GRK5: variants seen among roughly 807,000 people sequenced by gnomAD.
GRK5 encodes the protein g protein-coupled receptor kinase GRK5.
In GRK5, 40 loss-of-function variants were observed where a neutral mutation model predicts 78.4. The ratio of observed to expected loss-of-function variants is 0.51; its 90% CI spans 0.40 to 0.66. The LOEUF (loss-of-function observed/expected upper bound fraction) is 0.66, where lower values mean the gene tolerates loss of function less well. Among genes scored for constraint, GRK5 ranks in the 30% least tolerant of loss-of-function variants. The pLI, the probability that GRK5 is intolerant of heterozygous loss-of-function variation, is 0.00. For synonymous variants in GRK5, 289 were observed against 296.8 expected (o/e 0.97, Z 0.27); for missense variants, 598 against 759.9 (o/e 0.79, Z 2.50).
intron 2 of GRK5, chr10:119,333,854 A>G: frequency 1.9e-6 from 1 of 532,276 alleles, no homozygotes; most frequent in South Asian, 1.4e-5. Context: ...TGACAAATCA[A>G]GAAAGTTCCA....
rs569424957 is a variant in GRK5, at chr10:119,343,283, G to A, written c.148+16672G>A. Among the ~76,000 whole-genome samples the A allele has an allele frequency of 2.8e-4, 43 of 152,294 alleles. No individual in the cohort carries two copies. In the East Asian group the frequency reaches 5.0e-3, roughly 18 times the overall value. Reference sequence around the variant, plus strand: ...AACAGATGAGAGAGAGAGAGAGAGAGAGAACACTTTTGGGTCAGCAGGTTC... The same window carrying A: ...AACAGATGAGAGAGAGAGAGAGAGAAAGAACACTTTTGGGTCAGCAGGTTC... On this transcript the variant is annotated intron_variant, in intron 2 of 15. Transcript: ENST00000392870.
At chr10:119,407,384 C>T (rs1852259985) in intron 4 of GRK5, among the ~76,000 whole-genome samples, 1 of 152,188 alleles carries the variant, frequency 6.6e-6, no homozygotes, top group East Asian at 1.9e-4. Flanking sequence ...ACTTGGTTTT[C>T]CTTCTCCCAC....
At chr10:119,302,347 A>C (rs141016468) in intron 1 of GRK5, among the ~76,000 whole-genome samples, 3 of 152,300 alleles carry the variant, frequency 2.0e-5, no homozygotes, top group Non-Finnish European at 4.4e-5. Context: ...TTCCTGGGTG[A>C]TGCTACCTGG....
intron 1 of GRK5, among the ~76,000 whole-genome samples, chr10:119,300,840 C>G (rs976225349): frequency 1.3e-5 from 2 of 152,136 alleles, no homozygotes; most frequent in Non-Finnish European, 2.9e-5. Context: ...TGCCTGTAAT[C>G]CCAGCACTTT....
At chr10:119,339,222 C>G (rs1330841569) in intron 2 of GRK5, among the ~76,000 whole-genome samples, 1 of 152,214 alleles carries the variant, frequency 6.6e-6, no homozygotes, top group African/African-American at 2.4e-5. Flanking sequence ...TTTAAGGCCC[C>G]TCACTGAAAA....
chr10:119,254,741 G>T (rs541751046), intron 1 of GRK5, among the ~76,000 whole-genome samples: 1 of 152,210 alleles, frequency 6.6e-6, no homozygotes, highest in South Asian at 2.1e-4. Context: ...TGGGATGTAT[G>T]ATGTATTTTG....
chr10:119,386,088 T>C (rs897176758), intron 3 of GRK5, among the ~76,000 whole-genome samples: 2 of 152,198 alleles, frequency 1.3e-5, no homozygotes, highest in African/African-American at 2.4e-5. Context: ...TTTTGCCATG[T>C]TGCCATGGCT....
chr10:119,365,170 C>T (rs1030298365), intron 2 of GRK5, among the ~76,000 whole-genome samples: 1 of 152,168 alleles, frequency 6.6e-6, no homozygotes, highest in African/African-American at 2.4e-5. Context: ...AGGAGAGAAA[C>T]GCACATGTTT....
intron 1 of GRK5, among the ~76,000 whole-genome samples, chr10:119,255,389 T>C (rs1357834919): frequency 6.6e-6 from 1 of 152,190 alleles, no homozygotes; most frequent in Non-Finnish European, 1.5e-5. Flanking sequence ...CAGGAAGCTT[T>C]GTCACATCGA....
chr10:119,247,521 G>A (rs1195859825), intron 1 of GRK5, among the ~76,000 whole-genome samples: 1 of 152,222 alleles, frequency 6.6e-6, no homozygotes, highest in Non-Finnish European at 1.5e-5. Context: ...ACATCCTGGG[G>A]TTGGAGGTTA....
At chr10:119,232,216 A>G (rs1268234194) in intron 1 of GRK5, among the ~76,000 whole-genome samples, 1 of 152,240 alleles carries the variant, frequency 6.6e-6, no homozygotes, top group African/African-American at 2.4e-5. Context: ...GCTAAGTGAA[A>G]TAAACCAGGC....
chr10:119,436,999 C>T (rs1369367897), intron 9 of GRK5, among the ~76,000 whole-genome samples, 158 bp downstream of exon 9: 2 of 152,218 alleles, frequency 1.3e-5, no homozygotes, highest in African/African-American at 4.8e-5. Flanking sequence ...CTCCAGGAAG[C>T]TGGGGCCTCC....
intron 2 of GRK5, among the ~76,000 whole-genome samples, chr10:119,339,931 A>C (rs1850956041): frequency 6.6e-6 from 1 of 152,102 alleles, no homozygotes; most frequent in South Asian, 2.1e-4. Context: ...CCAAAGAACA[A>C]CACAAAATTA....
intron 1 of GRK5, among the ~76,000 whole-genome samples, chr10:119,289,211 G>A (rs1849909895): frequency 6.6e-6 from 1 of 152,132 alleles, no homozygotes; most frequent in Non-Finnish European, 1.5e-5. Flanking sequence ...TGGGTGCTAA[G>A]GGGGCCCAGA....
At chr10:119,307,629 G>A (rs1345314249) in intron 1 of GRK5, among the ~76,000 whole-genome samples, 4 of 152,104 alleles carry the variant, frequency 2.6e-5, no homozygotes, top group Admixed American at 6.5e-5. Flanking sequence ...GATTTAGCCC[G>A]GTGAATCTGA....
intron 2 of GRK5, among the ~76,000 whole-genome samples, chr10:119,355,990 G>T (rs1851257967): frequency 6.6e-6 from 1 of 152,180 alleles, no homozygotes; most frequent in Non-Finnish European, 1.5e-5. Flanking sequence ...GATAACTCAA[G>T]ATAGAAACTT....
In GRK5 at chr10:119,339,977, C is replaced by T. The variant is rs141428462; in HGVS notation, c.148+13366C>T. The stretch of plus-strand genomic sequence containing the variant: ...AGCTAGGGGCATGAGCTACTGTTGG[C>T]TGCTAGCTGTGGCCGTTTCCAGCCA... On this transcript the variant is annotated intron_variant, in intron 2 of 15. Coordinates refer to ENST00000392870, the MANE Select transcript of GRK5 (RefSeq NM_005308.3). Among the ~76,000 whole-genome samples the T allele has an allele frequency of 2.6e-5, 4 of 152,302 alleles. No homozygotes were observed. In the East Asian group the frequency reaches 7.7e-4, roughly 29 times the overall value.
intron 2 of GRK5, among the ~76,000 whole-genome samples, chr10:119,366,619 C>G (rs1467120107): frequency 6.6e-6 from 1 of 152,192 alleles, no homozygotes; most frequent in Non-Finnish European, 1.5e-5. Flanking sequence ...TGATAGCCAG[C>G]CCCAAAGCTG....
intron 3 of GRK5, among the ~76,000 whole-genome samples, chr10:119,394,773 G>A (rs1280185928): frequency 1.4e-5 from 2 of 144,674 alleles, no homozygotes; most frequent in African/African-American, 5.4e-5. Context: ...GTATCTGTGT[G>A]TGTGTGGGCA....
Sources: allele counts gnomAD v4.1 joint callset (sites outside exome capture counted in the v4.1 genomes callset), GRCh38; gene constraint gnomAD v4.1.1; transcripts MANE v1.5; gene names NCBI Gene and HGNC (gene_info 2026-07-23, HGNC 2026-07-21).